SRGAP1: variants seen among roughly 807,000 people sequenced by gnomAD.
The protein encoded by SRGAP1 is SLIT-ROBO Rho GTPase-activating protein 1.
Under a neutral mutation model 121.9 loss-of-function variants are expected in SRGAP1, and 43 were observed. That is an observed-to-expected ratio of 0.35 (90% CI 0.28 to 0.46). The LOEUF is 0.46. SRGAP1 is among the 20% of genes least tolerant of loss of function. The probability of loss-of-function intolerance (pLI) is 1.00; values close to 1 mark genes in which losing one functional copy is unlikely to be tolerated. For synonymous variants in SRGAP1, 447 were observed against 485.4 expected, an observed-to-expected ratio of 0.92 and a Z score of 1.04; for missense variants, 1,102 against 1,350.9, an observed-to-expected ratio of 0.82 and a Z score of 2.89.
intron 1 of SRGAP1, among the ~76,000 whole-genome samples, chr12:63,845,528 A>G (rs1250462927): frequency 1.3e-5 from 2 of 152,012 alleles, no homozygotes; most frequent in Admixed American, 1.3e-4. Context: ...TTGCTTTATC[A>G]TTTTCTGGAA....
At chr12:64,090,294 C>T (rs1034241905) in intron 11 of SRGAP1, among the ~76,000 whole-genome samples, 1 of 152,188 alleles carries the variant, frequency 6.6e-6, no homozygotes, top group African/African-American at 2.4e-5. Flanking sequence ...GTTTATTCAC[C>T]AGAGCAAATG....
chr12:64,008,212 G>A (rs1166945890), intron 3 of SRGAP1, among the ~76,000 whole-genome samples: 1 of 152,160 alleles, frequency 6.6e-6, no homozygotes, highest in African/African-American at 2.4e-5. Context: ...TAAATAGCTT[G>A]GCCCTTCTTG....
At chr12:64,014,382 A>G (rs1180297616) in intron 3 of SRGAP1, among the ~76,000 whole-genome samples, 1 of 152,236 alleles carries the variant, frequency 6.6e-6, no homozygotes, top group Non-Finnish European at 1.5e-5. Context: ...TATTATCTAA[A>G]GTCTTAGAAA....
At chr12:63,880,974 C>T (rs762685862) in intron 1 of SRGAP1, among the ~76,000 whole-genome samples, 24 of 152,218 alleles carry the variant, frequency 1.6e-4, no homozygotes, top group South Asian at 4.1e-4. Context: ...AAAACACAAC[C>T]GGATCAGGAG....
intron 1 of SRGAP1, among the ~76,000 whole-genome samples, chr12:63,902,095 G>A (rs2029962669): frequency 1.3e-5 from 2 of 152,120 alleles, no homozygotes; most frequent in Non-Finnish European, 2.9e-5. Context: ...TGGGCGGATC[G>A]CTCGAGCTCA....
chr12:64,080,770 G>A (rs1282421742), intron 10 of SRGAP1: 1 of 261,534 alleles, frequency 3.8e-6, no homozygotes, highest in Non-Finnish European at 7.4e-6. Flanking sequence ...TAATGGGCGA[G>A]TATTTGTTGT....
intron 4 of SRGAP1, among the ~76,000 whole-genome samples, chr12:64,026,016 C>A (rs970416941): frequency 6.6e-5 from 10 of 152,108 alleles, no homozygotes; most frequent in African/African-American, 1.7e-4. Context: ...TTTATAGTTT[C>A]ATTTTCTTTC....
Position 64,127,883 on chromosome 12 carries a change from C to A in SRGAP1, c.2563C>A (p.Pro855Thr), listed in dbSNP as rs1217004061. ...LARQRKRGEP[P>T]PPVRRPGRTS... ...TAGGCAACGAAAAAGAGGAGAGCCA[C>A]CCCCTCCAGTAAGGCGTCCTGGCAG... The change falls in exon 21 of 22, where the codon CCC (proline) becomes ACC (threonine). Residue 855 changes from proline (P) to threonine (T), a missense_variant. Transcript: ENST00000355086. The A allele has an allele frequency of 1.2e-6, 2 of 1,612,044 alleles. No individual in the cohort carries two copies. The highest frequency in any genetic ancestry group is 1.1e-5 in the South Asian group (1 of 90,946).
chr12:63,984,978 T>G (rs1201594630), intron 2 of SRGAP1, among the ~76,000 whole-genome samples: 1 of 146,058 alleles, frequency 6.8e-6, no homozygotes, highest in African/African-American at 2.6e-5. Flanking sequence ...ATTGCAACAC[T>G]GCACTCCAGG....
At chr12:63,914,585 A>G (rs1284358136) in intron 1 of SRGAP1, among the ~76,000 whole-genome samples, 1 of 152,216 alleles carries the variant, frequency 6.6e-6, no homozygotes, top group Non-Finnish European at 1.5e-5. Context: ...ACTTGTACCA[A>G]TAAAAAGTCC....
At chr12:63,929,194 A>G (rs1284826667) in intron 1 of SRGAP1, among the ~76,000 whole-genome samples, 1 of 152,248 alleles carries the variant, frequency 6.6e-6, no homozygotes, top group Non-Finnish European at 1.5e-5. Flanking sequence ...CTAGTGAGGT[A>G]GTCAGGAGCC....
intron 1 of SRGAP1, among the ~76,000 whole-genome samples, chr12:63,889,626 C>G (rs543464729): frequency 1.3e-5 from 2 of 152,176 alleles, no homozygotes; most frequent in South Asian, 4.2e-4. Context: ...AAAAAAAAAT[C>G]CGGCCGAGTG....
intron 1 of SRGAP1, among the ~76,000 whole-genome samples, chr12:63,863,883 T>C (rs1189616950): frequency 6.6e-6 from 1 of 152,148 alleles, no homozygotes; most frequent in Non-Finnish European, 1.5e-5. Context: ...GAAAGTGATG[T>C]ATAGAAAATG....
chr12:63,973,319 A>G (rs1206870123), intron 1 of SRGAP1, among the ~76,000 whole-genome samples: 1 of 152,226 alleles, frequency 6.6e-6, no homozygotes, highest in African/African-American at 2.4e-5. Flanking sequence ...GCTTTGCATA[A>G]TTACATACTA....
chr12:64,115,797 C>T lies in SRGAP1; in HGVS notation c.2145-17C>T. 6.2e-7 allele frequency: 1 copy of T among 1,607,274 alleles called. No homozygotes were observed. The highest frequency in any genetic ancestry group is 8.5e-7 in the Non-Finnish European group (1 of 1,176,344). Reference sequence around the variant, plus strand: ...GTCTATTTTAATTTCATATGAATTTCCATTTGTATTCTACAGCGACAGCCC... The same window carrying T: ...GTCTATTTTAATTTCATATGAATTTTCATTTGTATTCTACAGCGACAGCCC... On this transcript the variant is annotated splice_polypyrimidine_tract_variant and intron_variant, in intron 17 of 21. Transcript: ENST00000355086.
intron 1 of SRGAP1, among the ~76,000 whole-genome samples, chr12:63,904,937 AAAC>A (rs2030129103): frequency 1.3e-5 from 2 of 152,074 alleles, no homozygotes; most frequent in Non-Finnish European, 2.9e-5. Context: ...CTGTCTAACA[AAAC>A]AAAACAAAAA....
chr12:63,978,265 G>A (rs2033144074), intron 1 of SRGAP1, among the ~76,000 whole-genome samples: 1 of 152,144 alleles, frequency 6.6e-6, no homozygotes, highest in South Asian at 2.1e-4. Flanking sequence ...ATGCAATTCA[G>A]TGGCTTTTGG....
intron 4 of SRGAP1, among the ~76,000 whole-genome samples, chr12:64,027,791 A>G (rs1258988711): frequency 1.3e-5 from 2 of 151,588 alleles, no homozygotes; most frequent in Non-Finnish European, 2.9e-5. Context: ...AAGGAGTGAG[A>G]TGTATTGAAT....
At chr12:64,045,554 G>A (rs1281124979) in intron 6 of SRGAP1, among the ~76,000 whole-genome samples, 1 of 151,972 alleles carries the variant, frequency 6.6e-6, no homozygotes, top group East Asian at 1.9e-4. Flanking sequence ...TCCTGCCTCA[G>A]CCTCTTGAGT....
Sources: gnomAD v4.1 joint callset for allele counts (sites outside exome capture counted in the v4.1 genomes callset) on GRCh38, gnomAD v4.1.1 for gene constraint, MANE v1.5 for transcripts, NCBI Gene and HGNC (gene_info 2026-07-23, HGNC 2026-07-21) for gene names.